The following ATP9B variants were observed in gnomAD, a reference collection of about 807,000 sequenced individuals.
ATP9B encodes the protein ATPase phospholipid transporting 9B.
Under a neutral mutation model 146.1 loss-of-function variants are expected in ATP9B, and 110 were observed. The observed-to-expected ratio is 0.75, with a 90% confidence interval of 0.65 to 0.88. ATP9B has a LOEUF of 0.88. Among genes scored for constraint, ATP9B ranks in the 40% least tolerant of loss-of-function variants. The pLI, the probability that ATP9B is intolerant of heterozygous loss-of-function variation, is 0.00. For missense variants in ATP9B, 1,499 were observed against 1,496.4 expected (o/e 1.00, Z -0.03); for synonymous variants, 604 against 569.7 (o/e 1.06, Z -0.86).
At chr18:79,102,638 T>G (rs1318021101) in intron 2 of ATP9B, among the ~76,000 whole-genome samples, 1 of 152,174 alleles carries the variant, frequency 6.6e-6, no homozygotes, top group Non-Finnish European at 1.5e-5. Flanking sequence ...ACTTAGAAAT[T>G]TTAGAATAAT....
chr18:79,367,025 C>T (rs111338277), intron 26 of ATP9B, among the ~76,000 whole-genome samples: 24 of 150,460 alleles, frequency 1.6e-4, no homozygotes, highest in East Asian at 1.4e-3. Flanking sequence ...ACCGTGTGTA[C>T]GCAGAGAAAG....
chr18:79,333,353 G>C (rs887559685), intron 17 of ATP9B, among the ~76,000 whole-genome samples: 1 of 152,154 alleles, frequency 6.6e-6, no homozygotes, highest in Non-Finnish European at 1.5e-5. Context: ...CCTTCCTTAG[G>C]GACACTGTCA....
In ATP9B at chr18:79,069,605, C is replaced by T. The variant is rs961315209; in HGVS notation, c.119+76C>T. 2.7e-5 allele frequency: 27 copies of T among 1,012,244 alleles called. No homozygotes were observed. The Admixed American group carries it at 7.3e-4, about 27-fold the overall frequency. 62.7% of individuals were successfully genotyped at this position (1,012,244 alleles called of 1,614,324 possible). ...CCAGCCCACCGCAGGAACCCGGAGC[C>T]GGGCGGGTCTGGGGTCGCTACCGGC... On this transcript the variant is annotated intron_variant, in intron 1 of 29. Transcript: ENST00000426216.
At chr18:79,192,247 T>G (rs1328075103) in intron 8 of ATP9B, among the ~76,000 whole-genome samples, 2 of 152,178 alleles carry the variant, frequency 1.3e-5, no homozygotes, top group East Asian at 3.9e-4. Context: ...TGTTTGAGTT[T>G]TAGCAGCCAT....
intron 2 of ATP9B, among the ~76,000 whole-genome samples, chr18:79,108,328 AACAG>A (rs2075790069): frequency 6.6e-6 from 1 of 152,198 alleles, no homozygotes; most frequent in African/African-American, 2.4e-5. Flanking sequence ...TTCAAGCATA[AACAG>A]ATAAAATATT....
rs139181346 is a variant in ATP9B at position 79,306,999 on chromosome 18, C to T, written c.1538C>T (p.Ala513Val). The T allele has an allele frequency of 1.8e-4, 293 of 1,613,976 alleles. No individual in the cohort carries two copies. Among genetic ancestry groups the T allele is most frequent in the Middle Eastern group, 3.3e-4 (2 of 6,084 alleles). The stretch of plus-strand genomic sequence containing the variant: ...CATATTCTAAAGATGCAGTCTCAAG[C>T]TGGTGGAAACAATACTGGTTCAACT... ...RDSYSQMQSQ[A>V]GGNNTGSTPL... is the part of the protein sequence containing the mutation. The change falls in exon 15 of 30, where the codon GCT (alanine) becomes GTT (valine). Residue 513 changes from alanine (A) to valine (V), a missense_variant. By Grantham distance (64) the Ala-to-Val change is moderately conservative. Transcript: ENST00000426216.
chr18:79,272,537 GCTCTCTCCA>G, intron 12 of ATP9B, among the ~76,000 whole-genome samples: 1 of 151,606 alleles, frequency 6.6e-6, no homozygotes, highest in African/African-American at 2.4e-5. Flanking sequence ...CTGTCCCTGA[GCTCTCTCCA>G]CTGAATCCTG....
chr18:79,157,030 G>A (rs563192641), intron 7 of ATP9B, among the ~76,000 whole-genome samples: 3 of 152,094 alleles, frequency 2.0e-5, no homozygotes, highest in South Asian at 2.1e-4. Context: ...TTTGATTTGC[G>A]ACTGTTTTGT....
At chr18:79,324,147 AT>A (rs2096731378) in intron 15 of ATP9B, among the ~76,000 whole-genome samples, 1 of 151,364 alleles carries the variant, frequency 6.6e-6, no homozygotes, top group South Asian at 2.1e-4. Flanking sequence ...CGAATTACTC[AT>A]TTTTTTCCGA....
Position 79,157,427 on chromosome 18 carries a change from T to C in ATP9B, c.778+2872T>C, listed in dbSNP as rs868708284. On this transcript the variant is annotated intron_variant, in intron 7 of 29. Transcript: ENST00000426216. ...AAAAAAAAAAAAAAAAAAAAAAACA[T>C]GTATTGACTTATAGTTTTGGTTTTG... Among the ~76,000 whole-genome samples the C allele has an allele frequency of 4.6e-3, 472 of 103,264 alleles. 11 individuals carry two copies. Among genetic ancestry groups the C allele is most frequent in the African/African-American group, 0.017 (445 of 25,732 alleles). The allele number at this position is 103,264 out of a possible 152,430, so 67.7% of individuals were successfully genotyped here.
chr18:79,191,730 T>C (rs9961256), intron 8 of ATP9B, among the ~76,000 whole-genome samples: 18,186 of 152,240 alleles, frequency 0.12, 1,155 homozygotes, highest in East Asian at 0.2. Context: ...TGTTTTTCTT[T>C]AAGATGTGCT....
intron 13 of ATP9B, among the ~76,000 whole-genome samples, chr18:79,278,962 C>G (rs1357208351): frequency 6.6e-6 from 1 of 152,150 alleles, no homozygotes; most frequent in African/African-American, 2.4e-5. Flanking sequence ...GAGAGCAGAG[C>G]AAAGCAGACC....
At chr18:79,333,280 C>T (rs923744931) in intron 17 of ATP9B, among the ~76,000 whole-genome samples, 2 of 152,352 alleles carry the variant, frequency 1.3e-5, no homozygotes, top group Middle Eastern at 3.4e-3. Flanking sequence ...CCATCTCTGG[C>T]TTTCTGTTGC....
intron 12 of ATP9B, among the ~76,000 whole-genome samples, chr18:79,271,404 A>C (rs942814978): frequency 3.2e-5 from 4 of 126,106 alleles, no homozygotes; most frequent in Admixed American, 8.4e-5. Context: ...CCACCCCACA[A>C]CAGGCCCCGG....
chr18:79,234,997 C>T (rs1391683327), intron 11 of ATP9B, among the ~76,000 whole-genome samples: 7 of 152,116 alleles, frequency 4.6e-5, no homozygotes, highest in Non-Finnish European at 8.8e-5. Flanking sequence ...CTCAGCCTCC[C>T]GAGTAGCTGG....
At chr18:79,076,978 A>C (rs1949677164) in intron 1 of ATP9B, among the ~76,000 whole-genome samples, 1 of 152,052 alleles carries the variant, frequency 6.6e-6, no homozygotes, top group Admixed American at 6.5e-5. Flanking sequence ...TCTTCCTCAT[A>C]CTAGCAGTGT....
intron 19 of ATP9B, 152 bp downstream of exon 19, chr18:79,337,601 A>G: frequency 9.3e-7 from 1 of 1,077,092 alleles, no homozygotes; most frequent in Non-Finnish European, 1.3e-6. Flanking sequence ...CTCCTTCCTT[A>G]GGGACATCTG....
At chr18:79,154,681 T>A (rs2094747076) in intron 7 of ATP9B, 126 bp downstream of exon 7, 5 of 536,444 alleles carry the variant, frequency 9.3e-6, no homozygotes, top group Non-Finnish European at 1.6e-5. Flanking sequence ...AGGAATATTC[T>A]GTAGAAATGC....
chr18:79,244,348 C>T (rs938297434), intron 11 of ATP9B, among the ~76,000 whole-genome samples: 1 of 152,122 alleles, frequency 6.6e-6, no homozygotes, highest in Non-Finnish European at 1.5e-5. Flanking sequence ...CCTTTTCCCA[C>T]CATCTATGGC....
Sources: allele counts gnomAD v4.1 joint callset (sites outside exome capture counted in the v4.1 genomes callset), GRCh38; gene constraint gnomAD v4.1.1; transcripts MANE v1.5; gene names NCBI Gene and HGNC (gene_info 2026-07-23, HGNC 2026-07-21).